The following CFAP43 variants were observed in gnomAD, a reference collection of about 807,000 sequenced individuals.
CFAP43 encodes cilia and flagella associated protein 43, also known as cilia- and flagella-associated protein 43.
Under a neutral mutation model 218.9 loss-of-function variants are expected in CFAP43, and 155 were observed. That is an observed-to-expected ratio of 0.71 (90% confidence interval 0.62 to 0.81). The LOEUF (loss-of-function observed/expected upper bound fraction) is 0.81, where lower values mean the gene tolerates loss of function less well. Among genes scored for constraint, CFAP43 ranks in the 30% least tolerant of loss-of-function variants. The pLI is 0.00. For synonymous variants in CFAP43, 645 were observed against 681.3 expected (o/e 0.95, Z 0.83); for missense variants, 1,778 against 1,954.3 (o/e 0.91, Z 1.70).
chr10:104,222,395 G>C (rs1365173863), intron 3 of CFAP43, among the ~76,000 whole-genome samples: 1 of 152,164 alleles, frequency 6.6e-6, no homozygotes, highest in Non-Finnish European at 1.5e-5. Context: ...GTGCCATCGG[G>C]GTTGCTCCCA....
chr10:104,204,034 A>G (rs2090610191), intron 7 of CFAP43, among the ~76,000 whole-genome samples: 1 of 152,126 alleles, frequency 6.6e-6, no homozygotes, highest in Non-Finnish European at 1.5e-5. Flanking sequence ...ATTACCTAAA[A>G]TTTTACTGAC....
intron 19 of CFAP43, among the ~76,000 whole-genome samples, chr10:104,177,661 G>A (rs567468533): frequency 2.0e-4 from 30 of 152,310 alleles, no homozygotes; most frequent in South Asian, 1.7e-3. Flanking sequence ...GTTTGTACCA[G>A]CAAACCTAGA....
chr10:104,141,176 T>G (rs934256564), intron 33 of CFAP43, among the ~76,000 whole-genome samples, 175 bp from the exon 34 acceptor site: 3 of 152,320 alleles, frequency 2.0e-5, no homozygotes, highest in Middle Eastern at 3.4e-3. Context: ...TTCCTATTGA[T>G]GCAGAATTAT....
intron 29 of CFAP43, among the ~76,000 whole-genome samples, chr10:104,146,766 C>A (rs1274121075): frequency 6.6e-6 from 1 of 152,152 alleles, no homozygotes; most frequent in Non-Finnish European, 1.5e-5. Context: ...TAAACCACAG[C>A]CTTTTTAAGG....
chr10:104,206,164 A>T, intron 6 of CFAP43, 134 bp from the exon 7 acceptor site: 1 of 665,510 alleles, frequency 1.5e-6, no homozygotes, highest in Non-Finnish European at 2.5e-6. Context: ...AGATCTATGT[A>T]ACTAACATAG....
chr10:104,198,711 C>T (rs542881774), intron 8 of CFAP43, among the ~76,000 whole-genome samples: 5 of 151,876 alleles, frequency 3.3e-5, no homozygotes, highest in South Asian at 4.2e-4. Flanking sequence ...AGTGCGATGG[C>T]GGAATCTTGG....
In CFAP43 at chr10:104,185,979, T is replaced by A. The variant is rs1291529033; in HGVS notation, c.2005A>T (p.Thr669Ser). Residue 669 changes from threonine to serine, a missense_variant, in exon 15 of 38, where the codon ACT (threonine) becomes TCT (serine). This residue lies in a region of CFAP43 where 1,553 missense variants were observed against 1,685.2 expected (regional missense o/e 0.92). Transcript: ENST00000357060. ...CGILCIRDVY[T>S]LETFAWCRSH... ...TTTTTAAGAAAGCAGCTTACCAAAG[T>A]ATAAACGTCTCGGATACACAGAATT... 6.2e-7 allele frequency: 1 copy of A among 1,611,466 alleles called. No individual in the cohort carries two copies. Among genetic ancestry groups the A allele is most frequent in the Non-Finnish European group, 8.5e-7 (1 of 1,179,344 alleles).
chr10:104,224,322 T>C (rs757948818), intron 3 of CFAP43, among the ~76,000 whole-genome samples: 22 of 152,044 alleles, frequency 1.4e-4, no homozygotes, highest in Non-Finnish European at 2.9e-4. Flanking sequence ...GGATTACAGG[T>C]GTGAGCCACA....
At chr10:104,135,987 C>A (rs368326897) in intron 34 of CFAP43, among the ~76,000 whole-genome samples, 1 of 152,192 alleles carries the variant, frequency 6.6e-6, no homozygotes, top group Admixed American at 6.5e-5. Flanking sequence ...CAGTGGCTCA[C>A]GCCTGTAATC....
At chr10:104,174,741 T>C (rs1209331917) in intron 19 of CFAP43, among the ~76,000 whole-genome samples, 3 of 151,932 alleles carry the variant, frequency 2.0e-5, no homozygotes, top group Non-Finnish European at 4.4e-5. Context: ...TATACACATA[T>C]GTAAGTATTA....
At chr10:104,230,886 A>C in intron 1 of CFAP43, 43 bp from the exon 2 acceptor site, 1 of 1,528,766 alleles carries the variant, frequency 6.5e-7, no homozygotes, top group African/African-American at 1.4e-5. Context: ...TACATTTCAA[A>C]TACTTTTTTT....
At position 104,203,693 on chromosome 10, in the gene CFAP43, C is replaced by G. The variant is rs752783337; in HGVS notation, c.1074G>C (p.Val358=). 7.5e-6 allele frequency: 12 copies of G among 1,607,400 alleles called. No homozygotes were observed. The South Asian group carries it at 1.3e-4, about 18-fold the overall frequency. The change falls in exon 8 of 38, where the codon GTG becomes GTC. Residue 358 remains valine, a synonymous_variant. Coordinates refer to ENST00000357060, the MANE Select transcript of CFAP43 (RefSeq NM_025145.7). The part of the protein sequence containing the change: ...EHMTFSPNYT[V]LLIQTDKGSV... ...ATACCTTGTCTGTTTGAATCAGCAA[C>G]ACTGTATAATTGGGAGAAAATGTCA...
At chr10:104,166,185 T>C (rs1479465609) in intron 23 of CFAP43, among the ~76,000 whole-genome samples, 8 of 152,198 alleles carry the variant, frequency 5.3e-5, no homozygotes. Flanking sequence ...GCGATTTTCC[T>C]GCCTCAGCCT....
intron 5 of CFAP43, among the ~76,000 whole-genome samples, chr10:104,211,470 C>T (rs1158275223): frequency 1.3e-5 from 2 of 152,202 alleles, no homozygotes; most frequent in African/African-American, 4.8e-5. Context: ...AAACTTTCTT[C>T]TGCTGTTTCC....
At position 104,179,096 on chromosome 10, in the gene CFAP43, T is replaced by G. The variant is rs1327057410; in HGVS notation, c.2393A>C (p.Lys798Thr). Residue 798 changes from lysine (K) to threonine (T), a missense_variant, in exon 19 of 38, where the codon AAG (lysine) becomes ACG (threonine). Lys to Thr is a moderately conservative substitution (Grantham distance 78, BLOSUM62 -1). This residue lies in a region of CFAP43 where 1,553 missense variants were observed against 1,685.2 expected (regional missense o/e 0.92). Transcript: ENST00000357060. ...IQQKSQEAIKKEVNLFSKKRK... is the reference protein window; with the variant it reads ...IQQKSQEAIKTEVNLFSKKRK... ...TTTCTTGGAAAACAGATTAACCTCC[T>G]TTTTGATGGCCTGAAACAGAACAAG... 15 of 1,612,722 alleles carry G rather than the reference T, an allele frequency of 9.3e-6. No individual in the cohort carries two copies. In the East Asian group the frequency reaches 3.4e-4, roughly 36 times the overall value.
chr10:104,232,296 G>C lies in CFAP43; in HGVS notation c.-50C>G, dbSNP rs755403974. 74 of 1,515,826 alleles carry C rather than the reference G, an allele frequency of 4.9e-5. No homozygotes were observed. The South Asian group carries it at 8.2e-4, about 17-fold the overall frequency. The allele number at this position is 1,515,826 out of a possible 1,614,324, so 93.9% of individuals were successfully genotyped here. A position where few individuals can be genotyped will look rare whatever the true frequency, so the allele number is the denominator to read the frequency against. On this transcript the variant is annotated 5_prime_UTR_variant, in exon 1 of 38. Transcript: ENST00000357060. ...GCAGGCAGCGCACGCAGCACCCCAG[G>C]GCGGGTCGGTTACCTTTCCGCCGCC... is the stretch of plus-strand genomic sequence containing the variant.
intron 3 of CFAP43, among the ~76,000 whole-genome samples, chr10:104,223,857 G>C (rs1188229966): frequency 2.0e-5 from 3 of 152,236 alleles, no homozygotes; most frequent in African/African-American, 7.2e-5. Context: ...CATACATGCA[G>C]CAACATAAGA....
intron 8 of CFAP43, among the ~76,000 whole-genome samples, chr10:104,198,599 C>T (rs1046280047): frequency 2.0e-5 from 3 of 151,574 alleles, no homozygotes; most frequent in Non-Finnish European, 4.4e-5. Flanking sequence ...AACCATAAGA[C>T]TTTCTTCTTC....
intron 28 of CFAP43, among the ~76,000 whole-genome samples, chr10:104,149,491 T>G (rs1407339042): frequency 6.6e-6 from 1 of 152,230 alleles, no homozygotes; most frequent in Non-Finnish European, 1.5e-5. Context: ...TGCTTTCCCT[T>G]TATCAGTTTT....
Sources: gnomAD v4.1 joint callset for allele counts (sites outside exome capture counted in the v4.1 genomes callset) on GRCh38, gnomAD v4.1.1 for gene constraint, gnomAD v4.1.1 regional missense constraint, MANE v1.5 for transcripts, NCBI Gene and HGNC (gene_info 2026-07-23, HGNC 2026-07-21) for gene names.